The following SLC30A6 variants were observed in gnomAD, a reference collection of about 807,000 sequenced individuals.
SLC30A6 encodes the protein zinc transporter 6.
A neutral mutation model predicts 63.0 loss-of-function variants in SLC30A6; 55 were observed. The ratio of observed to expected loss-of-function variants is 0.87; its 90% CI spans 0.70 to 1.09. The LOEUF is 1.09. SLC30A6 is among the 50% of genes least tolerant of loss of function. The pLI, the probability that SLC30A6 is intolerant of heterozygous loss-of-function variation, is 0.00. For synonymous variants in SLC30A6, 224 were observed against 186.1 expected, an observed-to-expected ratio of 1.20 and a Z score of -1.66; for missense variants, 587 against 549.2, an observed-to-expected ratio of 1.07 and a Z score of -0.69.
intron 13 of SLC30A6, among the ~76,000 whole-genome samples, chr2:32,213,505 G>A (rs886884200): frequency 2.0e-5 from 3 of 151,950 alleles, no homozygotes; most frequent in African/African-American, 2.4e-5. Flanking sequence ...GGGTTTTTAG[G>A]TCAGTCAGAT....
At chr2:32,208,846 C>G (rs1296731452) in intron 12 of SLC30A6, among the ~76,000 whole-genome samples, 2 of 152,190 alleles carry the variant, frequency 1.3e-5, no homozygotes, top group Non-Finnish European at 2.9e-5. Flanking sequence ...CAAATTTCCA[C>G]CTACTAACTA....
Position 32,197,842 on chromosome 2 carries a change from T to A in SLC30A6, c.665+16T>A, listed in dbSNP as rs1324636318. Reference sequence around the variant, plus strand: ...TTGAAATTAAGTGAGTATTTTTTATTGTTGTCAAGTATGTTTTGATTTCTG... The same window carrying A: ...TTGAAATTAAGTGAGTATTTTTTATAGTTGTCAAGTATGTTTTGATTTCTG... On this transcript the variant is annotated intron_variant, in intron 10 of 13. Coordinates refer to ENST00000282587, the MANE Select transcript of SLC30A6 (RefSeq NM_017964.5). The A allele has an allele frequency of 6.2e-7, 1 of 1,612,780 alleles. No homozygotes were observed.
At chr2:32,212,894 ATTTTT>A (rs10522618) in intron 13 of SLC30A6, among the ~76,000 whole-genome samples, 1,723 of 118,246 alleles carry the variant, frequency 0.015, 47 homozygotes, top group African/African-American at 0.051. Flanking sequence ...TGTGTCCAGC[ATTTTT>A]TTTTTTTTTT....
chr2:32,215,519 T>A (rs372049347), intron 13 of SLC30A6, among the ~76,000 whole-genome samples: 20,384 of 137,120 alleles, frequency 0.15, 1,618 homozygotes, highest in Middle Eastern at 0.25. Flanking sequence ...TATATATATT[T>A]TTTTTTTTTT....
intron 11 of SLC30A6, among the ~76,000 whole-genome samples, chr2:32,206,097 T>G (rs1158296326): frequency 2.0e-5 from 3 of 152,184 alleles, no homozygotes; most frequent in Non-Finnish European, 4.4e-5. Context: ...ACTTAAAATC[T>G]TAAATGACAC....
At chr2:32,207,155 A>G (rs1684842163) in intron 12 of SLC30A6, among the ~76,000 whole-genome samples, 1 of 152,096 alleles carries the variant, frequency 6.6e-6, no homozygotes. Flanking sequence ...TGTGGAAGGT[A>G]ATGGCCTAAT....
chr2:32,207,339 T>A (rs530822254), intron 12 of SLC30A6, among the ~76,000 whole-genome samples: 11 of 151,750 alleles, frequency 7.2e-5, no homozygotes, highest in African/African-American at 2.7e-4. Context: ...GCCTCCTGAG[T>A]AGGTGAGACT....
In SLC30A6 at chr2:32,221,722, T is replaced by G. The variant is rs1385583275; in HGVS notation, c.*1009T>G. 6.6e-6 allele frequency: 1 copy of G among 152,174 alleles called. No individual in the cohort carries two copies. Among genetic ancestry groups the G allele is most frequent in the Non-Finnish European group, 1.5e-5 (1 of 68,018 alleles). The allele number at this position is 152,174 out of a possible 1,614,324, so 9.4% of individuals were successfully genotyped here. Reference sequence around the variant, plus strand: ...TGTTAAAGTTTCTCTCCTTTAAAAATTTTAGTACATTTGTAAATAGTCCAT... The same window carrying G: ...TGTTAAAGTTTCTCTCCTTTAAAAAGTTTAGTACATTTGTAAATAGTCCAT... On this transcript the variant is annotated 3_prime_UTR_variant, in exon 14 of 14. Transcript: ENST00000282587.
At chr2:32,208,778 T>A (rs1005181374) in intron 12 of SLC30A6, among the ~76,000 whole-genome samples, 18 of 152,174 alleles carry the variant, frequency 1.2e-4, no homozygotes, top group Admixed American at 1.2e-3. Context: ...CCTCCCAAAG[T>A]ACTGGAATTG....
At chr2:32,176,569 A>C (rs572699159) in intron 4 of SLC30A6, among the ~76,000 whole-genome samples, 1 of 151,496 alleles carries the variant, frequency 6.6e-6, no homozygotes, top group African/African-American at 2.4e-5. Flanking sequence ...GAGGCAGGAC[A>C]ATTGCTTGAA....
intron 6 of SLC30A6, 49 bp from the exon 7 acceptor site, chr2:32,192,869 T>C: frequency 8.3e-7 from 1 of 1,200,294 alleles, no homozygotes; most frequent in Non-Finnish European, 1.1e-6. Context: ...TAAAGCTTTT[T>C]AACTTTATAA....
chr2:32,198,441 A>C (rs1031435161), intron 10 of SLC30A6, among the ~76,000 whole-genome samples: 7 of 152,152 alleles, frequency 4.6e-5, no homozygotes, highest in African/African-American at 1.4e-4. Flanking sequence ...ATAGGTGTCT[A>C]CTTTAACTGA....
In SLC30A6 at chr2:32,166,465, T is replaced by G. The variant is rs541580676; in HGVS notation, c.3+562T>G. On this transcript the variant is annotated intron_variant, in intron 1 of 13. Transcript: ENST00000282587. ...GGTAGGACATTTTATTGCTGCTTTA[T>G]TTCTGGGTTTGTAGAAACTAATGGA... Among the ~76,000 whole-genome samples the G allele has an allele frequency of 3.3e-5, 5 of 152,396 alleles. No homozygotes were observed. The South Asian group carries it at 1.0e-3, about 32-fold the overall frequency.
intron 8 of SLC30A6, among the ~76,000 whole-genome samples, chr2:32,196,054 C>A (rs1683758643): frequency 1.3e-5 from 2 of 152,174 alleles, no homozygotes; most frequent in Non-Finnish European, 2.9e-5. Flanking sequence ...GTGGCTCACA[C>A]CTGTAATCCC....
At chr2:32,200,160 C>T (rs1684159989) in intron 10 of SLC30A6, among the ~76,000 whole-genome samples, 2 of 151,930 alleles carry the variant, frequency 1.3e-5, no homozygotes, top group African/African-American at 2.4e-5. Flanking sequence ...TCCCCTCTTT[C>T]CCATTCTCAT....
At chr2:32,167,570 A>G (rs1680798407) in intron 1 of SLC30A6, among the ~76,000 whole-genome samples, 1 of 151,598 alleles carries the variant, frequency 6.6e-6, no homozygotes, top group South Asian at 2.1e-4. Flanking sequence ...TATATCCTTA[A>G]TTATTTTTCA....
At chr2:32,212,876 T>G (rs1685369647) in intron 13 of SLC30A6, among the ~76,000 whole-genome samples, 1 of 145,604 alleles carries the variant, frequency 6.9e-6, no homozygotes, top group Non-Finnish European at 1.5e-5. Context: ...ATTACAGGAG[T>G]GAGCCACTGT....
intron 5 of SLC30A6, among the ~76,000 whole-genome samples, chr2:32,189,298 T>C (rs945977765): frequency 9.4e-5 from 14 of 149,532 alleles, no homozygotes; most frequent in African/African-American, 2.7e-4. Flanking sequence ...TTTTTTTTTT[T>C]TTCTTTTTTT....
In SLC30A6 at chr2:32,222,318, A is replaced by T. The variant is rs1177528315; in HGVS notation, c.*1605A>T. On this transcript the variant is annotated 3_prime_UTR_variant, in exon 14 of 14. Transcript: ENST00000282587. ...TTTTAAAATGGGATTTTGAGAATGG[A>T]CTTAACTTTCCTGGAATCCAATGCT... The T allele has an allele frequency of 6.6e-6, 1 of 152,146 alleles. No homozygotes were observed. The highest frequency in any genetic ancestry group is 1.5e-5 in the Non-Finnish European group (1 of 68,022). The allele number at this position is 152,146 out of a possible 1,614,324, so 9.4% of individuals were successfully genotyped here. A position where few individuals can be genotyped will look rare whatever the true frequency, so the allele number is the denominator to read the frequency against.
Sources: gnomAD v4.1 joint callset for allele counts (sites outside exome capture counted in the v4.1 genomes callset) on GRCh38, gnomAD v4.1.1 for gene constraint, MANE v1.5 for transcripts, NCBI Gene and HGNC (gene_info 2026-07-23, HGNC 2026-07-21) for gene names.